The following ITGA1 variants were observed in gnomAD, a reference collection of about 807,000 sequenced individuals.
ITGA1 encodes the protein integrin alpha-1.
In ITGA1, 85 loss-of-function variants were observed where a neutral mutation model predicts 145.9. The observed-to-expected ratio is 0.58, with a 90% CI of 0.49 to 0.70. The LOEUF (loss-of-function observed/expected upper bound fraction) is 0.70. Ranked by LOEUF, ITGA1 falls within the 30% of genes least tolerant of loss-of-function variation. The pLI is 0.00. For missense variants in ITGA1, 1,351 were observed against 1,418.7 expected (o/e 0.95, Z 0.77); for synonymous variants, 520 against 495.3 (o/e 1.05, Z -0.66).
At chr5:52,887,384 G>C (rs1187094749) in intron 7 of ITGA1, among the ~76,000 whole-genome samples, 2 of 152,076 alleles carry the variant, frequency 1.3e-5, no homozygotes, top group Non-Finnish European at 2.9e-5. Context: ...GTAGCTGTGG[G>C]GGAAGCAAAA....
intron 24 of ITGA1, among the ~76,000 whole-genome samples, chr5:52,938,959 GTGGCGCGATCT>G (rs1186396184): frequency 6.6e-6 from 1 of 152,026 alleles, no homozygotes; most frequent in African/African-American, 2.4e-5. Flanking sequence ...CTGGAGTGCA[GTGGCGCGATCT>G]TGGCTTACTG....
At chr5:52,847,825 A>C (rs10078136) in intron 1 of ITGA1, among the ~76,000 whole-genome samples, 2,104 of 152,354 alleles carry the variant, frequency 0.014, 45 homozygotes, top group African/African-American at 0.045. Context: ...CTGGGATTAC[A>C]GGCATGAGCC....
chr5:52,933,030 A>C (rs1579727394), intron 22 of ITGA1: 1 of 152,102 alleles, frequency 6.6e-6, no homozygotes, highest in South Asian at 2.1e-4. Flanking sequence ...ATAATTGTAC[A>C]TATTTATAAG....
chr5:52,887,207 T>C (rs1750066421), intron 7 of ITGA1, among the ~76,000 whole-genome samples: 1 of 152,152 alleles, frequency 6.6e-6, no homozygotes. Flanking sequence ...GACTACTCCA[T>C]GGACTCAGAG....
chr5:52,855,929 A>G (rs904024700), intron 2 of ITGA1, among the ~76,000 whole-genome samples: 13 of 151,976 alleles, frequency 8.6e-5, no homozygotes, highest in African/African-American at 3.1e-4. Context: ...CCAACTCCCA[A>G]ACTCCCTGTC....
At chr5:52,895,788 C>G (rs1030416972) in intron 9 of ITGA1, among the ~76,000 whole-genome samples, 24 of 152,168 alleles carry the variant, frequency 1.6e-4, no homozygotes, top group African/African-American at 5.8e-4. Flanking sequence ...AGGAACTTTA[C>G]AGATTACAAA....
At chr5:52,890,037 G>C (rs1246815475) in intron 8 of ITGA1, 1 of 151,874 alleles carries the variant, frequency 6.6e-6, no homozygotes, top group Non-Finnish European at 1.5e-5. Context: ...AACTTTATTT[G>C]TTTCTCTGTT....
intron 15 of ITGA1, among the ~76,000 whole-genome samples, chr5:52,916,573 A>G (rs1125287): frequency 6.6e-6 from 1 of 152,150 alleles, no homozygotes; most frequent in Admixed American, 6.5e-5. Context: ...TTAAAATGGT[A>G]CAGTAAATTG....
At chr5:52,873,333 A>C (rs569283250) in intron 6 of ITGA1, among the ~76,000 whole-genome samples, 1 of 152,254 alleles carries the variant, frequency 6.6e-6, no homozygotes, top group Admixed American at 6.5e-5. Context: ...CCACAAACAC[A>C]GTGAATTAAC....
intron 1 of ITGA1, among the ~76,000 whole-genome samples, chr5:52,843,903 T>C (rs903955999): frequency 1.7e-4 from 26 of 152,140 alleles, no homozygotes; most frequent in African/African-American, 5.6e-4. Flanking sequence ...CTGTCCTGCC[T>C]CACCTCCTCA....
At chr5:52,801,392 T>G in intron 1 of ITGA1, 2 of 1,596,796 alleles carry the variant, frequency 1.3e-6, no homozygotes, top group Non-Finnish European at 1.7e-6. Context: ...GCCTAACTTT[T>G]GTAATTGTGA....
chr5:52,893,540 C>T, intron 8 of ITGA1, 135 bp from the exon 9 acceptor site: 2 of 679,104 alleles, frequency 2.9e-6, no homozygotes, highest in Non-Finnish European at 4.5e-6. Context: ...ATCACTCTTC[C>T]ATAAATATGA....
intron 1 of ITGA1, among the ~76,000 whole-genome samples, chr5:52,804,520 G>A (rs1478075609): frequency 6.6e-6 from 1 of 152,158 alleles, no homozygotes; most frequent in East Asian, 1.9e-4. Context: ...TGCCACTAGA[G>A]TAGCTTTGTA....
intron 22 of ITGA1, chr5:52,933,316 T>C (rs1485474536): frequency 1.3e-5 from 2 of 152,052 alleles, no homozygotes; most frequent in Non-Finnish European, 2.9e-5. Flanking sequence ...CTTCTATTGG[T>C]GCACTGACTT....
At position 52,905,977 on chromosome 5, in the gene ITGA1, G is replaced by A. The variant is rs558536692; in HGVS notation, c.1455+69G>A. The A allele has an allele frequency of 2.1e-6, 3 of 1,397,494 alleles. No individual in the cohort carries two copies. The East Asian group carries it at 7.4e-5, about 35-fold the overall frequency. The allele number at this position is 1,397,494 out of a possible 1,614,324, so 86.6% of individuals were successfully genotyped here. On this transcript the variant is annotated intron_variant, in intron 12 of 28. Transcript: ENST00000282588. ...ACTCTATGTATATTTACTGTCTATT[G>A]TCCTAAACTTAAAAATGCAATACCC... is the stretch of plus-strand genomic sequence containing the variant.
At chr5:52,853,110 C>T (rs1229969742) in intron 2 of ITGA1, among the ~76,000 whole-genome samples, 3 of 152,082 alleles carry the variant, frequency 2.0e-5, no homozygotes, top group Admixed American at 6.6e-5. Context: ...CTAAATCTCA[C>T]GTTGACATTT....
intron 6 of ITGA1, 91 bp downstream of exon 6, chr5:52,865,908 C>A: frequency 2.9e-6 from 3 of 1,029,752 alleles, no homozygotes; most frequent in South Asian, 2.3e-5. Context: ...GCAAATTAAT[C>A]AATAAAACTA....
At chr5:52,854,298 C>T (rs1749473827) in intron 2 of ITGA1, among the ~76,000 whole-genome samples, 2 of 152,142 alleles carry the variant, frequency 1.3e-5, no homozygotes, top group African/African-American at 4.8e-5. Flanking sequence ...AGAGCTATTC[C>T]AGACTGGGGA....
At chr5:52,791,320 A>ATT (rs1748234608) in intron 1 of ITGA1, among the ~76,000 whole-genome samples, 1 of 152,180 alleles carries the variant, frequency 6.6e-6, no homozygotes, top group African/African-American at 2.4e-5. Context: ...CAAGGTGAGA[A>ATT]GAAAAACCAT....
Sources: gnomAD v4.1 joint callset for allele counts (sites outside exome capture counted in the v4.1 genomes callset) on GRCh38, gnomAD v4.1.1 for gene constraint, MANE v1.5 for transcripts, NCBI Gene and HGNC (gene_info 2026-07-23, HGNC 2026-07-21) for gene names.